Variants in CCN4 observed in about 807,000 individuals in gnomAD.
CCN4 encodes cellular communication network factor 4.
A neutral mutation model predicts 36.7 loss-of-function variants in CCN4; 30 were observed. That is an observed-to-expected ratio of 0.82 (90% CI 0.61 to 1.11). The LOEUF is 1.11. Ranked by LOEUF, CCN4 falls within the 50% of genes least tolerant of loss-of-function variation. The pLI, the probability that CCN4 is intolerant of heterozygous loss-of-function variation, is 0.00. For missense variants in CCN4, 505 were observed against 504.9 expected, an observed-to-expected ratio of 1.00 and a Z score of 0.00; for synonymous variants, 191 against 195.4, an observed-to-expected ratio of 0.98 and a Z score of 0.19.
intron 1 of CCN4, among the ~76,000 whole-genome samples, chr8:133,194,747 T>G (rs866694936): frequency 0.017 from 524 of 31,598 alleles, no homozygotes; most frequent in Middle Eastern, 0.06. Flanking sequence ...TGTGGTGTGT[T>G]TGTGGGGTAT....
chr8:133,229,256 T>C lies in CCN4; in HGVS notation c.*1546T>C, dbSNP rs1437114643. On this transcript the variant is annotated 3_prime_UTR_variant, in exon 5 of 5. Transcript: ENST00000250160. ...ATTGGACTGTCTTTATAACCCATAT[T>C]TTCCCCCTGTTTTTAGAGCTTCCAA... The C allele has an allele frequency of 6.6e-6, 1 of 152,200 alleles. No homozygotes were observed. Among genetic ancestry groups the C allele is most frequent in the Non-Finnish European group, 1.5e-5 (1 of 68,030 alleles). The allele number at this position is 152,200 out of a possible 1,614,324, so 9.4% of individuals were successfully genotyped here. A position where few individuals can be genotyped will look rare whatever the true frequency, so the allele number is the denominator to read the frequency against.
rs1854896291 is a variant in CCN4 at position 133,229,954 on chromosome 8, C to T, written c.*2244C>T. 6.6e-6 allele frequency: 1 copy of T among 152,200 alleles called. No individual in the cohort carries two copies. Among genetic ancestry groups the T allele is most frequent in the Admixed American group, 6.5e-5 (1 of 15,282 alleles). The allele number at this position is 152,200 out of a possible 1,614,324, so 9.4% of individuals were successfully genotyped here. ...GTTAGATTTTCTGAGAGTGAAAACA[C>T]CTGCCATCTACAAATTACAAGGCTG... On this transcript the variant is annotated 3_prime_UTR_variant, in exon 5 of 5. Transcript: ENST00000250160.
At chr8:133,202,231 A>G (rs1320926609) in intron 1 of CCN4, among the ~76,000 whole-genome samples, 1 of 152,232 alleles carries the variant, frequency 6.6e-6, no homozygotes, top group Admixed American at 6.5e-5. Context: ...AAGACCCTTA[A>G]GTTCTTCACC....
chr8:133,195,555 C>A (rs1853348322), intron 1 of CCN4, among the ~76,000 whole-genome samples: 1 of 152,100 alleles, frequency 6.6e-6, no homozygotes, highest in Non-Finnish European at 1.5e-5. Context: ...CCTCTTTGGG[C>A]TCCCTGAAGC....
At chr8:133,217,936 C>CCACACACACGCACGCACACACA (rs1854382111) in intron 2 of CCN4, among the ~76,000 whole-genome samples, 5 of 144,432 alleles carry the variant, frequency 3.5e-5, no homozygotes, top group African/African-American at 1.3e-4. Flanking sequence ...ACTCCCTTCT[C>CCACACACACGCACGCACACACA]CACACACACA....
chr8:133,191,563 G>A (rs904701885), intron 1 of CCN4, among the ~76,000 whole-genome samples: 4 of 152,158 alleles, frequency 2.6e-5, no homozygotes, highest in Non-Finnish European at 5.9e-5. Flanking sequence ...GTGTGGCCTC[G>A]GGTGGGTCAC....
intron 1 of CCN4, among the ~76,000 whole-genome samples, chr8:133,192,069 A>T (rs1283634158): frequency 6.6e-6 from 1 of 152,206 alleles, no homozygotes; most frequent in Admixed American, 6.5e-5. Flanking sequence ...GGTACCTGGC[A>T]GCTTCTGAGC....
At chr8:133,210,218 A>T (rs1045689873) in intron 1 of CCN4, among the ~76,000 whole-genome samples, 4 of 152,100 alleles carry the variant, frequency 2.6e-5, no homozygotes, top group African/African-American at 7.2e-5. Flanking sequence ...TGAGCGAGGT[A>T]AGGGCAGGGA....
At chr8:133,226,496 T>C (rs1854740625) in intron 4 of CCN4, among the ~76,000 whole-genome samples, 1 of 152,196 alleles carries the variant, frequency 6.6e-6, no homozygotes, top group Non-Finnish European at 1.5e-5. Context: ...CTGATTATTT[T>C]TCCCTGTAAT....
Position 133,225,553 on chromosome 8 carries a change from A to G in CCN4, c.774A>G (p.Pro258=), listed in dbSNP as rs1854700517. 6.2e-7 allele frequency: 1 copy of G among 1,613,098 alleles called. No individual in the cohort carries two copies. Residue 258 remains proline, a synonymous_variant, in exon 4 of 5, where the codon CCA becomes CCG. Coordinates refer to ENST00000250160, the MANE Select transcript of CCN4 (RefSeq NM_003882.4). ...AGAGCCGCCTCTGCAACTTGCGGCC[A>G]TGCGATGTGGACATCCATACACTCA... ...EQESRLCNLR[P]CDVDIHTLIK...
chr8:133,209,677 G>A (rs757222218), intron 1 of CCN4, among the ~76,000 whole-genome samples: 4 of 152,204 alleles, frequency 2.6e-5, no homozygotes, highest in Non-Finnish European at 4.4e-5. Flanking sequence ...ATACCCACCC[G>A]GTTCCAACCC....
intron 1 of CCN4, among the ~76,000 whole-genome samples, chr8:133,202,370 T>C (rs1432975636): frequency 6.6e-6 from 1 of 152,216 alleles, no homozygotes; most frequent in Non-Finnish European, 1.5e-5. Context: ...CCTGTCTCCT[T>C]GGAGGCTGGA....
At chr8:133,220,092 G>A (rs559849723) in intron 2 of CCN4, among the ~76,000 whole-genome samples, 1 of 152,218 alleles carries the variant, frequency 6.6e-6, no homozygotes, top group South Asian at 2.1e-4. Context: ...CTCTTTGAGG[G>A]CATGTCTTTT....
At chr8:133,206,302 G>A (rs1043088071) in intron 1 of CCN4, among the ~76,000 whole-genome samples, 2 of 152,160 alleles carry the variant, frequency 1.3e-5, no homozygotes, top group Non-Finnish European at 2.9e-5. Context: ...GACAGACCTG[G>A]GTGCACTGAG....
At chr8:133,215,898 G>A (rs990822993) in intron 2 of CCN4, among the ~76,000 whole-genome samples, 23 of 151,934 alleles carry the variant, frequency 1.5e-4, no homozygotes, top group African/African-American at 5.6e-4. Context: ...CCAAAAGAGA[G>A]GTATCATAAG....
intron 1 of CCN4, among the ~76,000 whole-genome samples, chr8:133,211,923 C>G (rs12548174): frequency 0.071 from 10,823 of 152,280 alleles, 670 homozygotes; most frequent in Admixed American, 0.21. Flanking sequence ...GATGGGACAG[C>G]AGGTGACTGG....
chr8:133,191,062 G>A lies in CCN4; in HGVS notation c.-83G>A, dbSNP rs527306428. 1.0e-4 allele frequency: 156 copies of A among 1,489,480 alleles called. No individual in the cohort carries two copies. The Middle Eastern group carries it at 1.4e-3, about 14-fold the overall frequency. 92.3% of individuals were successfully genotyped at this position (1,489,480 alleles called of 1,614,324 possible). ...GCATATCTGGTGCTCCTGATGGGCC[G>A]GCCAGTCTGGGCCCAGCTCCCCCGA... On this transcript the variant is annotated 5_prime_UTR_variant, in exon 1 of 5. Transcript: ENST00000250160.
At chr8:133,195,253 G>T (rs1038793140) in intron 1 of CCN4, among the ~76,000 whole-genome samples, 17 of 149,038 alleles carry the variant, frequency 1.1e-4, no homozygotes, top group Admixed American at 1.0e-3. Flanking sequence ...TGTATATGTG[G>T]TGTGTTTTTG....
rs1235848881 is a variant in CCN4 at position 133,221,972 on chromosome 8, AGATGGATGGATGAATGGATG to A, written c.610+1152_610+1171del. Among the ~76,000 whole-genome samples, 9 of 151,158 alleles carry A rather than the reference AGATGGATGGATGAATGGATG, an allele frequency of 6.0e-5. No individual in the cohort carries two copies. The South Asian group carries it at 1.5e-3, about 25-fold the overall frequency. ...TGTATAAATAAGTAGACGAGGGGAC[AGATGGATGGATGAATGGATG>A]GATGGATGGATGAATGGATGAACTG... On this transcript the variant is annotated intron_variant, in intron 3 of 4. Coordinates refer to ENST00000250160, the MANE Select transcript of CCN4 (RefSeq NM_003882.4).
Sources: gnomAD v4.1 joint callset for allele counts (sites outside exome capture counted in the v4.1 genomes callset) on GRCh38, gnomAD v4.1.1 for gene constraint, MANE v1.5 for transcripts, NCBI Gene and HGNC (gene_info 2026-07-23, HGNC 2026-07-21) for gene names.